LRRC37A3: variants seen among roughly 807,000 people sequenced by gnomAD.
LRRC37A3 encodes leucine rich repeat containing 37 member A3.
Under a neutral mutation model 106.2 loss-of-function variants are expected in LRRC37A3, and 25 were observed. That is an observed-to-expected ratio of 0.24 (90% confidence interval 0.17 to 0.33). LRRC37A3 has a LOEUF of 0.33. Among genes scored for constraint, LRRC37A3 ranks in the 10% least tolerant of loss-of-function variants. LRRC37A3 has a pLI of 1.00. For missense variants in LRRC37A3, 712 were observed against 1,644.9 expected (o/e 0.43, Z 9.81); for synonymous variants, 305 against 635.8 (o/e 0.48, Z 7.83).
intron 2 of LRRC37A3, among the ~76,000 whole-genome samples, chr17:64,910,637 CTTTTTTTTTTTTTTT>C (rs926231139): frequency 7.3e-5 from 7 of 96,492 alleles, no homozygotes; most frequent in Admixed American, 2.7e-4. Context: ...ATTGTCCCCC[CTTTTTTTTTTTTTTT>C]TTTTTTTTTT....
Position 64,854,337 on chromosome 17 carries a change from A to G in LRRC37A3, c.*262T>C. On this transcript the variant is annotated 3_prime_UTR_variant, in exon 15 of 15. Transcript: ENST00000584306. ...CAGGAGTTCAAGTATGTGGTATTAT[A>G]TGACTGGTGCTTGATGAACCAAGGG... The G allele has an allele frequency of 1.7e-6, 1 of 594,782 alleles. No individual in the cohort carries two copies. The highest frequency in any genetic ancestry group is 3.0e-6 in the Non-Finnish European group (1 of 336,830). 36.8% of individuals were successfully genotyped at this position (594,782 alleles called of 1,614,324 possible).
At chr17:64,858,620 C>A (rs1483400322) in intron 13 of LRRC37A3, among the ~76,000 whole-genome samples, 159 bp downstream of exon 13, 2 of 152,166 alleles carry the variant, frequency 1.3e-5, no homozygotes, top group Admixed American at 6.5e-5. Flanking sequence ...GAAATATACA[C>A]TGCAGTAAAA....
intron 2 of LRRC37A3, among the ~76,000 whole-genome samples, chr17:64,899,372 A>G (rs1974235654): frequency 6.8e-6 from 1 of 147,488 alleles, no homozygotes; most frequent in Non-Finnish European, 1.5e-5. Flanking sequence ...ATGAGCTGGG[A>G]TCATACCACT....
At chr17:64,872,069 T>C (rs1466819154) in intron 8 of LRRC37A3, among the ~76,000 whole-genome samples, 1 of 147,584 alleles carries the variant, frequency 6.8e-6, no homozygotes, top group Non-Finnish European at 1.5e-5. Flanking sequence ...GAGGTGGAGC[T>C]TGCAGTGAGA....
chr17:64,917,064 T>A (rs554154663), intron 2 of LRRC37A3, among the ~76,000 whole-genome samples: 1 of 150,804 alleles, frequency 6.6e-6, no homozygotes, highest in Admixed American at 6.6e-5. Context: ...GCTAACATGG[T>A]GAAACCCCGT....
chr17:64,866,775 C>T (rs562689308), intron 10 of LRRC37A3, among the ~76,000 whole-genome samples: 7 of 139,068 alleles, frequency 5.0e-5, no homozygotes, highest in South Asian at 2.3e-4. Context: ...GGACTACAGG[C>T]GTGTGCCACC....
chr17:64,900,742 CTT>C (rs1488298217), intron 2 of LRRC37A3: 1 of 96,968 alleles, frequency 1.0e-5, no homozygotes, highest in African/African-American at 4.7e-5. Context: ...AATTCAGAAT[CTT>C]TTTCATTCCA....
rs1270703129 is a variant in LRRC37A3, at chr17:64,866,606, ATATATATATATATATATATATAT to A, written c.3053+1833_3053+1855del. On this transcript the variant is annotated intron_variant, in intron 10 of 14. Coordinates refer to ENST00000584306, the MANE Select transcript of LRRC37A3 (RefSeq NM_199340.5). ...TACACGTACATATATATATATATAT[ATATATATATATATATATATATAT>A]TTTTTTTTTTTTTTTTTTTTAGACA... 1.6e-3 allele frequency among the ~76,000 whole-genome samples: 29 copies of A among 18,058 alleles called. 1 individual carries two copies. Among genetic ancestry groups the A allele is most frequent in the African/African-American group, 5.7e-3 (15 of 2,644 alleles). 11.8% of individuals were successfully genotyped at this position (18,058 alleles called of 152,430 possible). A position where few individuals can be genotyped will look rare whatever the true frequency, so the allele number is the denominator to read the frequency against.
intron 2 of LRRC37A3, among the ~76,000 whole-genome samples, chr17:64,917,289 T>G (rs907789537): frequency 7.8e-5 from 11 of 141,796 alleles, no homozygotes; most frequent in African/African-American, 2.6e-4. Flanking sequence ...TATCAAGTGC[T>G]AGGGAGGATA....
At chr17:64,856,204 C>T (rs563503169) in intron 13 of LRRC37A3, among the ~76,000 whole-genome samples, 1 of 152,176 alleles carries the variant, frequency 6.6e-6, no homozygotes, top group Non-Finnish European at 1.5e-5. Flanking sequence ...ATTTACTTAG[C>T]GACAGGATTG....
chr17:64,863,971 A>ATT (rs1218172930), intron 10 of LRRC37A3, among the ~76,000 whole-genome samples: 52 of 129,016 alleles, frequency 4.0e-4, no homozygotes, highest in African/African-American at 1.3e-3. Flanking sequence ...TGCCCAGCTA[A>ATT]TTTTTTTTTT....
At position 64,860,763 on chromosome 17, in the gene LRRC37A3, G is replaced by A. The variant is rs145977861; in HGVS notation, c.3383C>T (p.Ser1128Leu). Residue 1128 changes from serine to leucine, a missense_variant, in exon 12 of 15, where the codon TCA becomes TTA. By Grantham distance (145) the Ser-to-Leu change is moderately radical. Coordinates refer to ENST00000584306, the MANE Select transcript of LRRC37A3 (RefSeq NM_199340.5). ...TGATTTCACATCTAGGTTAACGGCT[G>A]AGAAATAAGGTAAGATGTAACTTAG... is the stretch of plus-strand genomic sequence containing the variant. The part of the protein sequence containing the change: ...STLSYILPYF[S>L]AVNLDVKSLL... 5.4e-5 allele frequency: 87 copies of A among 1,614,012 alleles called. No individual in the cohort carries two copies. The African/African-American group carries it at 1.0e-3, about 19-fold the overall frequency.
In LRRC37A3 at chr17:64,859,482, C is replaced by T; in HGVS notation, c.4664G>A (p.Ser1555Asn). Residue 1555 changes from serine (S) to asparagine (N), a missense_variant, in exon 12 of 15, where the codon AGC becomes AAC. Coordinates refer to ENST00000584306, the MANE Select transcript of LRRC37A3 (RefSeq NM_199340.5). ...QWKTENYINE[S>N]TEAQSEQKEK... ...TTTCTGTTCACTCTGGGCTTCTGTG[C>T]TCTCATTAATGTAGTTCTCAGTCTT... 1 of 1,611,534 alleles carries T rather than the reference C, an allele frequency of 6.2e-7. No individual in the cohort carries two copies. Among genetic ancestry groups the T allele is most frequent in the Non-Finnish European group, 8.5e-7 (1 of 1,179,664 alleles).
chr17:64,872,623 C>A (rs140937696), intron 8 of LRRC37A3, among the ~76,000 whole-genome samples: 1 of 152,000 alleles, frequency 6.6e-6, no homozygotes, highest in African/African-American at 2.4e-5. Context: ...CAACTGTATT[C>A]GGCAATGAAT....
At chr17:64,869,252 A>C in intron 8 of LRRC37A3, 86 bp from the exon 9 acceptor site, 24 of 1,586,288 alleles carry the variant, frequency 1.5e-5, no homozygotes, top group Non-Finnish European at 2.0e-5. Context: ...TTGGTATGGA[A>C]CTTGTAGGTA....
In LRRC37A3 at chr17:64,913,024, G is replaced by C. The variant is rs574210209; in HGVS notation, c.-496+5726C>G. On this transcript the variant is annotated intron_variant, in intron 2 of 14. Transcript: ENST00000584306. ...AACACTAATTTTATATTAATATTAA[G>C]TAATTTTTTTTTTTTTTCCCCCGAG... 4.9e-4 allele frequency among the ~76,000 whole-genome samples: 73 copies of C among 150,052 alleles called. 1 individual carries two copies. The highest frequency in any genetic ancestry group is 1.1e-3 in the Admixed American group (17 of 15,098).
At chr17:64,893,708 G>C (rs1333647744) in intron 4 of LRRC37A3, among the ~76,000 whole-genome samples, 2 of 137,456 alleles carry the variant, frequency 1.5e-5, no homozygotes, top group Non-Finnish European at 1.5e-5. Context: ...GGAGTGCAGT[G>C]GTGCAATCTC....
In LRRC37A3 at chr17:64,860,153, ACTTTT is replaced by A. The variant is rs1972818778; in HGVS notation, c.3988_3992del (p.Lys1330LeufsTer4). 1 of 1,613,752 alleles carries A rather than the reference ACTTTT, an allele frequency of 6.2e-7. No individual in the cohort carries two copies. Among genetic ancestry groups the A allele is most frequent in the Non-Finnish European group, 8.5e-7 (1 of 1,179,850 alleles). ...TTGAGAGCATCAGTCTACTCAGATA[ACTTTT>A]CTTTCTGACCTTTGGACTCTTTTTG... On this transcript the variant is annotated frameshift_variant, in exon 12 of 15. Coordinates refer to ENST00000584306, the MANE Select transcript of LRRC37A3 (RefSeq NM_199340.5). LOFTEE classifies it high-confidence loss of function.
At position 64,855,863 on chromosome 17, in the gene LRRC37A3, T is replaced by C. The variant is rs1454277360; in HGVS notation, c.4836A>G (p.Gln1612=). ...IEICCHRRSL[Q]EDEEGFSRDS... ...ACCTTGAGAATCCTTCTTCATCTTC[T>C]TGTAATGACCTTCGGTGACAACAGA... Residue 1612 remains glutamine (Q), a synonymous_variant, in exon 14 of 15, where the codon CAA becomes CAG. Transcript: ENST00000584306. 6.2e-7 allele frequency: 1 copy of C among 1,611,774 alleles called. No individual in the cohort carries two copies. Among genetic ancestry groups the C allele is most frequent in the East Asian group, 2.2e-5 (1 of 44,892 alleles).
Sources: gnomAD v4.1 joint callset for allele counts (sites outside exome capture counted in the v4.1 genomes callset) on GRCh38, gnomAD v4.1.1 for gene constraint, MANE v1.5 for transcripts, NCBI Gene and HGNC (gene_info 2026-07-23, HGNC 2026-07-21) for gene names.